Variants in SMAD2 observed in about 807,000 individuals in gnomAD.
SMAD2 encodes the protein SMAD family member 2, also known as MAD homolog 2.
Under a neutral mutation model 64.4 loss-of-function variants are expected in SMAD2, and 8 were observed. The ratio of observed to expected loss-of-function variants is 0.12; its 90% confidence interval spans 0.07 to 0.22. The LOEUF (loss-of-function observed/expected upper bound fraction) is 0.22. Ranked by LOEUF, SMAD2 falls within the 10% of genes least tolerant of loss-of-function variation. The pLI is 1.00. For missense variants in SMAD2, 289 were observed against 561.2 expected, an observed-to-expected ratio of 0.51 and a Z score of 4.90; for synonymous variants, 203 against 195.8, an observed-to-expected ratio of 1.04 and a Z score of -0.31.
At chr18:47,881,757 C>G (rs1234741024) in intron 2 of SMAD2, among the ~76,000 whole-genome samples, 1 of 152,148 alleles carries the variant, frequency 6.6e-6, no homozygotes, top group Admixed American at 6.5e-5. Flanking sequence ...CTCTTTGTTT[C>G]TCATTTGCTG....
intron 1 of SMAD2, among the ~76,000 whole-genome samples, chr18:47,915,209 C>T (rs949445581): frequency 3.3e-5 from 5 of 152,204 alleles, no homozygotes; most frequent in Admixed American, 6.5e-5. Context: ...ACATTTCCCT[C>T]CCTCTTGCTT....
Position 47,889,696 on chromosome 18 carries a change from G to A in SMAD2, c.236+6825C>T, listed in dbSNP as rs534604230. 4.6e-5 allele frequency among the ~76,000 whole-genome samples: 7 copies of A among 151,720 alleles called. No homozygotes were observed. The East Asian group carries it at 5.8e-4, about 13-fold the overall frequency. On this transcript the variant is annotated intron_variant, in intron 2 of 10. Coordinates refer to ENST00000262160, the MANE Select transcript of SMAD2 (RefSeq NM_005901.6). ...TGAGGCAGGAGAATGGCGTGAATCC[G>A]GGAGGCAGAGCTTGCAGTGAGCCGA...
chr18:47,885,461 T>C (rs192025410), intron 2 of SMAD2, among the ~76,000 whole-genome samples: 102 of 152,078 alleles, frequency 6.7e-4, no homozygotes, highest in Non-Finnish European at 1.2e-3. Context: ...AGCCACCGTG[T>C]CTGGCCAATA....
At chr18:47,879,534 G>A (rs1027976853) in intron 2 of SMAD2, among the ~76,000 whole-genome samples, 3 of 150,738 alleles carry the variant, frequency 2.0e-5, no homozygotes. Flanking sequence ...GTGTGGAGTC[G>A]TTTTCCATTA....
rs1296200496 is a variant in SMAD2, at chr18:47,829,933, G to T, written c.*11894C>A. 1 of 152,172 alleles carries T rather than the reference G, an allele frequency of 6.6e-6. No individual in the cohort carries two copies. Among genetic ancestry groups the T allele is most frequent in the African/African-American group, 2.4e-5 (1 of 41,440 alleles). 9.4% of individuals were successfully genotyped at this position (152,172 alleles called of 1,614,324 possible). Reference sequence around the variant, plus strand: ...GTTTTCATTTTAGAATTAAAAATTTGAATTTCCCTTTGCCTACAAGTCTAA... The same window carrying T: ...GTTTTCATTTTAGAATTAAAAATTTTAATTTCCCTTTGCCTACAAGTCTAA... On this transcript the variant is annotated 3_prime_UTR_variant, in exon 11 of 11. Coordinates refer to ENST00000262160, the MANE Select transcript of SMAD2 (RefSeq NM_005901.6).
rs1194799500 is a variant in SMAD2, at chr18:47,850,381, A to G, written c.784+893T>C. 8.5e-5 allele frequency among the ~76,000 whole-genome samples: 2 copies of G among 23,548 alleles called. 1 individual carries two copies. The highest frequency in any genetic ancestry group is 6.3e-4 in the African/African-American group (2 of 3,198). 15.4% of individuals were successfully genotyped at this position (23,548 alleles called of 152,430 possible). ...AATATGTATAATATATATTATATAT[A>G]TTATATAATATATATTATATATTAT... On this transcript the variant is annotated intron_variant, in intron 7 of 10. Coordinates refer to ENST00000262160, the MANE Select transcript of SMAD2 (RefSeq NM_005901.6).
intron 5 of SMAD2, among the ~76,000 whole-genome samples, chr18:47,865,547 AAC>A (rs1324757563): frequency 1.3e-5 from 2 of 152,196 alleles, no homozygotes; most frequent in East Asian, 1.9e-4. Flanking sequence ...AAAATTAAAA[AAC>A]ACACAAGATT....
intron 2 of SMAD2, among the ~76,000 whole-genome samples, chr18:47,888,227 T>G (rs191121419): frequency 1.3e-5 from 2 of 150,936 alleles, no homozygotes; most frequent in African/African-American, 4.9e-5. Context: ...CAAAAGACAA[T>G]GGAGAGCTAT....
rs1449233612 is a variant in SMAD2 at position 47,828,085 on chromosome 18, G to A, written c.*13742C>T. Reference sequence around the variant, plus strand: ...TGGGATGTGAGGAGTGTCTCTGCCCGACCGCCACCCCGTCTGGGAGGTGAG... The same window carrying A: ...TGGGATGTGAGGAGTGTCTCTGCCCAACCGCCACCCCGTCTGGGAGGTGAG... On this transcript the variant is annotated 3_prime_UTR_variant, in exon 11 of 11. Coordinates refer to ENST00000262160, the MANE Select transcript of SMAD2 (RefSeq NM_005901.6). 1.5e-4 allele frequency: 25 copies of A among 162,534 alleles called. No individual in the cohort carries two copies. The highest frequency in any genetic ancestry group is 3.1e-4 in the South Asian group (2 of 6,532). 10.1% of individuals were successfully genotyped at this position (162,534 alleles called of 1,614,324 possible).
intron 1 of SMAD2, among the ~76,000 whole-genome samples, chr18:47,900,124 A>G (rs2033625097): frequency 6.6e-6 from 1 of 152,196 alleles, no homozygotes; most frequent in African/African-American, 2.4e-5. Flanking sequence ...CTCTAATGAC[A>G]TTTTAAAAAG....
chr18:47,923,452 C>T (rs2034644108), intron 1 of SMAD2: 1 of 152,144 alleles, frequency 6.6e-6, no homozygotes, highest in Non-Finnish European at 1.5e-5. Flanking sequence ...AATACAGTAG[C>T]CATCAGCTGC....
At chr18:47,888,651 C>T (rs750883121) in intron 2 of SMAD2, among the ~76,000 whole-genome samples, 7 of 152,176 alleles carry the variant, frequency 4.6e-5, no homozygotes, top group Non-Finnish European at 1.0e-4. Context: ...CCAGCTCAAT[C>T]GCTAATTAGA....
chr18:47,918,174 C>A (rs1383889404), intron 1 of SMAD2, among the ~76,000 whole-genome samples: 1 of 152,160 alleles, frequency 6.6e-6, no homozygotes, highest in Non-Finnish European at 1.5e-5. Context: ...ATAACTAATC[C>A]TCTGCCTCAA....
chr18:47,850,041 G>C lies in SMAD2; in HGVS notation c.784+1233C>G, dbSNP rs973575913. Reference sequence around the variant, plus strand: ...ATAAAAATAAATACAATTTGTATTAGTTTTTACTGTCGTATTGTTATTTTC... The same window carrying C: ...ATAAAAATAAATACAATTTGTATTACTTTTTACTGTCGTATTGTTATTTTC... On this transcript the variant is annotated intron_variant, in intron 7 of 10. Coordinates refer to ENST00000262160, the MANE Select transcript of SMAD2 (RefSeq NM_005901.6). Among the ~76,000 whole-genome samples the C allele has an allele frequency of 2.0e-5, 3 of 148,708 alleles. No homozygotes were observed. The South Asian group carries it at 6.3e-4, about 31-fold the overall frequency.
Position 47,832,228 on chromosome 18 carries a change from T to C in SMAD2, c.*9599A>G, listed in dbSNP as rs914826272. The C allele has an allele frequency of 1.3e-5, 2 of 152,184 alleles. No individual in the cohort carries two copies. The highest frequency in any genetic ancestry group is 2.4e-5 in the African/African-American group (1 of 41,450). The allele number at this position is 152,184 out of a possible 1,614,324, so 9.4% of individuals were successfully genotyped here. A position where few individuals can be genotyped will look rare whatever the true frequency, so the allele number is the denominator to read the frequency against. On this transcript the variant is annotated 3_prime_UTR_variant, in exon 11 of 11. Coordinates refer to ENST00000262160, the MANE Select transcript of SMAD2 (RefSeq NM_005901.6). ...GGATGCTAGGGCCATTATAAAAATC[T>C]CCTGATACAGAACAGTGTCACTACT... is the stretch of plus-strand genomic sequence containing the variant.
At chr18:47,908,471 A>G (rs563309487) in intron 1 of SMAD2, among the ~76,000 whole-genome samples, 3 of 152,206 alleles carry the variant, frequency 2.0e-5, no homozygotes, top group Non-Finnish European at 4.4e-5. Context: ...AGAAACACTG[A>G]AAAAAACTAA....
chr18:47,912,806 A>C (rs549901686), intron 1 of SMAD2, among the ~76,000 whole-genome samples: 10 of 151,484 alleles, frequency 6.6e-5, no homozygotes, highest in African/African-American at 2.2e-4. Context: ...TATTCCATTC[A>C]TAAGAATTTA....
intron 6 of SMAD2, among the ~76,000 whole-genome samples, chr18:47,857,714 G>T (rs752386744): frequency 2.6e-5 from 4 of 152,324 alleles, no homozygotes; most frequent in Non-Finnish European, 4.4e-5. Flanking sequence ...ACAAAGGACT[G>T]AGCTTGCCAA....
chr18:47,917,199 T>C (rs2034373054), intron 1 of SMAD2, among the ~76,000 whole-genome samples: 1 of 152,230 alleles, frequency 6.6e-6, no homozygotes, highest in Admixed American at 6.5e-5. Flanking sequence ...TTCATAACCT[T>C]GTAGTTTTTT....
Sources: gnomAD v4.1 joint callset for allele counts (sites outside exome capture counted in the v4.1 genomes callset) on GRCh38, gnomAD v4.1.1 for gene constraint, MANE v1.5 for transcripts, NCBI Gene and HGNC (gene_info 2026-07-23, HGNC 2026-07-21) for gene names.